KCNIP4: variants seen among roughly 807,000 people sequenced by gnomAD.
The protein encoded by KCNIP4 is Kv channel-interacting protein 4.
In KCNIP4, 12 loss-of-function variants were observed where a neutral mutation model predicts 34.0. That is an observed-to-expected ratio of 0.35 (90% CI 0.23 to 0.57). The LOEUF (loss-of-function observed/expected upper bound fraction) is 0.57, where lower values mean the gene tolerates loss of function less well. KCNIP4 is among the 20% of genes least tolerant of loss of function. The probability of loss-of-function intolerance (pLI) is 0.83; values close to 1 mark genes in which losing one functional copy is unlikely to be tolerated. For missense variants in KCNIP4, 238 were observed against 311.7 expected (o/e 0.76, Z 1.78); for synonymous variants, 124 against 102.2 (o/e 1.21, Z -1.29).
At chr4:21,714,778 TCCCTTTG>T (rs1714023583) in intron 1 of KCNIP4, among the ~76,000 whole-genome samples, 1 of 58,870 alleles carries the variant, frequency 1.7e-5, no homozygotes, top group African/African-American at 1.0e-4. Context: ...GTTAGTAATT[TCCCTTTG>T]ATTATTTTAT....
chr4:21,299,343 C>A (rs1578043037), intron 1 of KCNIP4, among the ~76,000 whole-genome samples: 1 of 151,954 alleles, frequency 6.6e-6, no homozygotes, highest in Admixed American at 6.6e-5. Context: ...AACTTTAGAT[C>A]CTCTGAGTGT....
intron 3 of KCNIP4, among the ~76,000 whole-genome samples, chr4:20,833,760 T>G (rs1463211689): frequency 6.6e-6 from 1 of 152,206 alleles, no homozygotes; most frequent in Non-Finnish European, 1.5e-5. Flanking sequence ...CACTCATAAA[T>G]GTCCTTCAAA....
chr4:21,817,806 CCT>C (rs1176684657), intron 1 of KCNIP4, among the ~76,000 whole-genome samples: 1 of 152,058 alleles, frequency 6.6e-6, no homozygotes, highest in African/African-American at 2.4e-5. Context: ...GCTCTCGAAC[CCT>C]GTTTTCTGTT....
At chr4:21,403,361 G>T (rs1473691641) in intron 1 of KCNIP4, among the ~76,000 whole-genome samples, 1 of 152,110 alleles carries the variant, frequency 6.6e-6, no homozygotes, top group Non-Finnish European at 1.5e-5. Flanking sequence ...CCTAGTCAAT[G>T]TCACCATCTT....
intron 1 of KCNIP4, among the ~76,000 whole-genome samples, chr4:21,811,330 G>A (rs1415494953): frequency 6.6e-6 from 1 of 152,158 alleles, no homozygotes; most frequent in Non-Finnish European, 1.5e-5. Context: ...TTGCCATAGG[G>A]TATACAGTAC....
chr4:21,784,065 G>T (rs760179390), intron 1 of KCNIP4, among the ~76,000 whole-genome samples: 29 of 151,770 alleles, frequency 1.9e-4, no homozygotes, highest in African/African-American at 5.6e-4. Flanking sequence ...CTGCATGGCT[G>T]GGGAGGCCTC....
intron 5 of KCNIP4, among the ~76,000 whole-genome samples, chr4:20,741,570 G>T (rs987859795): frequency 2.0e-5 from 3 of 152,184 alleles, no homozygotes; most frequent in Admixed American, 6.5e-5. Flanking sequence ...ATTTAAAGCA[G>T]TGTGTAGAGG....
At chr4:21,364,573 G>A (rs1719540583) in intron 1 of KCNIP4, among the ~76,000 whole-genome samples, 1 of 151,984 alleles carries the variant, frequency 6.6e-6, no homozygotes, top group Non-Finnish European at 1.5e-5. Context: ...AGTATCTCAT[G>A]ATAATTTTTT....
At position 20,864,406 on chromosome 4, in the gene KCNIP4, C is replaced by CAT. The variant is rs1006183876; in HGVS notation, c.164-13741_164-13740dup. 5.3e-5 allele frequency among the ~76,000 whole-genome samples: 8 copies of CAT among 150,278 alleles called. No individual in the cohort carries two copies. The East Asian group carries it at 5.9e-4, about 11-fold the overall frequency. On this transcript the variant is annotated intron_variant, in intron 2 of 8. Coordinates refer to ENST00000382152, the MANE Select transcript of KCNIP4 (RefSeq NM_025221.6). Reference sequence around the variant, plus strand: ...ATATATACATGTTATATATATATAACATATATATACATACACTCATAAAAT... The same window carrying CAT: ...ATATATACATGTTATATATATATAACATATATATATACATACACTCATAAAAT...
rs191247246 is a variant in KCNIP4, at chr4:20,937,347, G to T, written c.62-54638C>A. Reference sequence around the variant, plus strand: ...CCTCCCAGGTTCATGCCATTCTCCTGCCTCAGCCTCCCAAATAGCTGGGAC... The same window carrying T: ...CCTCCCAGGTTCATGCCATTCTCCTTCCTCAGCCTCCCAAATAGCTGGGAC... On this transcript the variant is annotated intron_variant, in intron 1 of 8. Transcript: ENST00000382152. Among the ~76,000 whole-genome samples the T allele has an allele frequency of 4.5e-4, 64 of 143,330 alleles. No individual in the cohort carries two copies. In the East Asian group the frequency reaches 0.012, roughly 27 times the overall value. 94.0% of individuals were successfully genotyped at this position (143,330 alleles called of 152,430 possible). A position where few individuals can be genotyped will look rare whatever the true frequency, so the allele number is the denominator to read the frequency against.
At chr4:21,359,081 CCTGT>C (rs1364795938) in intron 1 of KCNIP4, among the ~76,000 whole-genome samples, 1 of 151,530 alleles carries the variant, frequency 6.6e-6, no homozygotes, top group Non-Finnish European at 1.5e-5. Flanking sequence ...CTTCCTAAGA[CCTGT>C]CTTAGATTTT....
Position 20,900,809 on chromosome 4 carries a change from G to GA in KCNIP4, c.62-18101dup, listed in dbSNP as rs55833639. On this transcript the variant is annotated intron_variant, in intron 1 of 8. Coordinates refer to ENST00000382152, the MANE Select transcript of KCNIP4 (RefSeq NM_025221.6). The stretch of plus-strand genomic sequence containing the variant: ...TTAAAACACTCACAGATCATAAAAA[G>GA]AAAAAAAAAACACCCAAGGATATAA... 4.7e-4 allele frequency among the ~76,000 whole-genome samples: 68 copies of GA among 144,074 alleles called. 1 individual carries two copies. Among genetic ancestry groups the GA allele is most frequent in the South Asian group, 1.6e-3 (7 of 4,502 alleles). The allele number at this position is 144,074 out of a possible 152,430, so 94.5% of individuals were successfully genotyped here. A position where few individuals can be genotyped will look rare whatever the true frequency, so the allele number is the denominator to read the frequency against.
At chr4:21,491,520 G>T (rs570479805) in intron 1 of KCNIP4, among the ~76,000 whole-genome samples, 1 of 152,206 alleles carries the variant, frequency 6.6e-6, no homozygotes, top group South Asian at 2.1e-4. Context: ...AACTACAAGT[G>T]TGTGCTACCA....
chr4:20,892,869 T>C (rs1726081849), intron 1 of KCNIP4, among the ~76,000 whole-genome samples: 1 of 152,212 alleles, frequency 6.6e-6, no homozygotes, highest in Non-Finnish European at 1.5e-5. Context: ...TGGGATCTTT[T>C]AAGATTGACC....
chr4:21,752,377 G>A (rs886156262), intron 1 of KCNIP4, among the ~76,000 whole-genome samples: 1 of 152,080 alleles, frequency 6.6e-6, no homozygotes, highest in Non-Finnish European at 1.5e-5. Flanking sequence ...GAAAGAGAGA[G>A]TGAGCAAGCA....
chr4:21,874,958 G>C (rs1371700551), intron 1 of KCNIP4, among the ~76,000 whole-genome samples: 1 of 152,078 alleles, frequency 6.6e-6, no homozygotes, highest in East Asian at 1.9e-4. Context: ...CTTATTGCTG[G>C]GAAGGAGGCA....
intron 1 of KCNIP4, among the ~76,000 whole-genome samples, chr4:21,633,026 C>T (rs534146215): frequency 7.9e-5 from 12 of 152,128 alleles, no homozygotes; most frequent in East Asian, 1.9e-4. Context: ...TAACACTCTT[C>T]GGGTCACAGA....
chr4:21,447,399 G>A (rs1577375146), intron 1 of KCNIP4, among the ~76,000 whole-genome samples: 1 of 151,990 alleles, frequency 6.6e-6, no homozygotes, highest in African/African-American at 2.4e-5. Context: ...GTTGATTTCA[G>A]GCATCTGGAC....
chr4:21,390,938 T>C (rs111555398), intron 1 of KCNIP4, among the ~76,000 whole-genome samples: 1 of 152,214 alleles, frequency 6.6e-6, no homozygotes, highest in African/African-American at 2.4e-5. Flanking sequence ...CAACAGTGCA[T>C]GAAGGTTCTA....
Sources: gnomAD v4.1 joint callset for allele counts (sites outside exome capture counted in the v4.1 genomes callset) on GRCh38, gnomAD v4.1.1 for gene constraint, MANE v1.5 for transcripts, NCBI Gene and HGNC (gene_info 2026-07-23, HGNC 2026-07-21) for gene names.